The following ZNF813 variants were observed in gnomAD, a reference collection of about 807,000 sequenced individuals.
ZNF813 encodes zinc finger protein 813.
ZNF813 carries 3 observed loss-of-function variants against 7.2 expected under a neutral mutation model. That is an observed-to-expected ratio of 0.42 (90% CI 0.19 to 1.08). The LOEUF (loss-of-function observed/expected upper bound fraction) is 1.08, where lower values mean the gene tolerates loss of function less well. Among genes scored for constraint, ZNF813 ranks in the 50% least tolerant of loss-of-function variants. The pLI is 0.30. For synonymous variants in ZNF813, 227 were observed against 256.3 expected (o/e 0.89, Z 1.09); for missense variants, 714 against 753.3 (o/e 0.95, Z 0.61).
chr19:53,481,825 A>C (rs1489677204), intron 1 of ZNF813, among the ~76,000 whole-genome samples: 1 of 152,230 alleles, frequency 6.6e-6, no homozygotes, highest in Admixed American at 6.5e-5. Context: ...AGAACCTTGC[A>C]AATGAAGTTT....
At chr19:53,477,486 A>G (rs1393597756) in intron 1 of ZNF813, among the ~76,000 whole-genome samples, 1 of 151,918 alleles carries the variant, frequency 6.6e-6, no homozygotes, top group African/African-American at 2.4e-5. Context: ...CTGGAATAAT[A>G]ATTTTTCTTC....
At chr19:53,485,571 CATGTATGTCATGACAT>C (rs903055651) in intron 2 of ZNF813, among the ~76,000 whole-genome samples, 39 of 128,720 alleles carry the variant, frequency 3.0e-4, no homozygotes, top group East Asian at 7.0e-4. Context: ...GACATATATA[CATGTATGTCATGACAT>C]ATGTATGTCA....
At chr19:53,488,226 T>C (rs1248282923) in intron 3 of ZNF813, 2 of 455,614 alleles carry the variant, frequency 4.4e-6, no homozygotes, top group East Asian at 7.0e-5. Context: ...TTTCTCCTTT[T>C]TTGTCTGGCC....
At chr19:53,469,745 AG>A (rs1222575915) in intron 1 of ZNF813, among the ~76,000 whole-genome samples, 3 of 142,074 alleles carry the variant, frequency 2.1e-5, no homozygotes, top group African/African-American at 7.7e-5. Flanking sequence ...GCAAGAACAG[AG>A]GGAGAAGCAC....
At chr19:53,479,348 C>T in intron 1 of ZNF813, 3 of 1,590,370 alleles carry the variant, frequency 1.9e-6, no homozygotes, top group South Asian at 1.1e-5. Flanking sequence ...TGGGTGGGCA[C>T]CATGGCTGGG....
At chr19:53,488,405 C>T in intron 3 of ZNF813, 11 of 257,804 alleles carry the variant, frequency 4.3e-5, no homozygotes, top group Middle Eastern at 1.6e-3. Flanking sequence ...CTTTCATTTC[C>T]TTTTTTTTCT....
chr19:53,479,891 G>A, intron 1 of ZNF813: 11 of 931,070 alleles, frequency 1.2e-5, no homozygotes, highest in South Asian at 2.6e-5. Flanking sequence ...TCAAAAAGAA[G>A]ACAAATGTGA....
intron 1 of ZNF813, among the ~76,000 whole-genome samples, chr19:53,476,212 T>C (rs2086380961): frequency 6.6e-6 from 1 of 152,188 alleles, no homozygotes; most frequent in Non-Finnish European, 1.5e-5. Context: ...AGATCCTGGG[T>C]TCCCCGATAA....
intron 2 of ZNF813, among the ~76,000 whole-genome samples, chr19:53,485,089 A>G (rs958379902): frequency 2.0e-5 from 3 of 152,150 alleles, no homozygotes; most frequent in Non-Finnish European, 4.4e-5. Flanking sequence ...GTATTTCTGC[A>G]TCACTATGAG....
chr19:53,480,663 A>G (rs939240212), intron 1 of ZNF813, among the ~76,000 whole-genome samples: 8 of 152,188 alleles, frequency 5.3e-5, no homozygotes, highest in Admixed American at 1.3e-4. Context: ...CTTTTACCTT[A>G]ACATCAAAAT....
intron 3 of ZNF813, among the ~76,000 whole-genome samples, 171 bp from the exon 4 acceptor site, chr19:53,490,204 A>T (rs2617668): frequency 0.016 from 2,480 of 152,208 alleles, 67 homozygotes; most frequent in African/African-American, 0.056. Flanking sequence ...GATTTGAAGC[A>T]CATGTAATAG....
chr19:53,484,187 G>A (rs1485034535), intron 2 of ZNF813, among the ~76,000 whole-genome samples: 1 of 152,150 alleles, frequency 6.6e-6, no homozygotes, highest in East Asian at 1.9e-4. Context: ...GATTAGAGCA[G>A]CTGCCAATGG....
rs2086485910 is a variant in ZNF813, at chr19:53,496,009, A to T, written c.*3923A>T. On this transcript the variant is annotated 3_prime_UTR_variant, in exon 4 of 4. Coordinates refer to ENST00000396403, the MANE Select transcript of ZNF813 (RefSeq NM_001004301.4). ...ATCAGGTACGACTCCAAAAGGAGAC[A>T]TTGGAGAAGAACGAAGCGGGGTCTA... The T allele has an allele frequency of 8.3e-6, 3 of 362,488 alleles. No individual in the cohort carries two copies. Among genetic ancestry groups the T allele is most frequent in the South Asian group, 7.7e-5 (3 of 38,924 alleles). The allele number at this position is 362,488 out of a possible 1,614,324, so 22.5% of individuals were successfully genotyped here.
Position 53,468,219 on chromosome 19 carries a change from G to GCCCCCCCCCCCCCC in ZNF813, c.-74+443_-74+444insCCCCCCCCCCCCCC, listed in dbSNP as rs34920971. ...CACCCTTGTCTTAAGGCGCCCTCGC[G>GCCCCCCCCCCCCCC]CCCCCCCCCCCCCACCTCCCTCCTC... is the stretch of plus-strand genomic sequence containing the variant. On this transcript the variant is annotated intron_variant, in intron 1 of 3. Transcript: ENST00000396403. Among the ~76,000 whole-genome samples, 27 of 52,960 alleles carry GCCCCCCCCCCCCCC rather than the reference G, an allele frequency of 5.1e-4. 3 individuals carry two copies. Among genetic ancestry groups the GCCCCCCCCCCCCCC allele is most frequent in the Non-Finnish European group, 7.8e-4 (20 of 25,796 alleles). The allele number at this position is 52,960 out of a possible 152,430, so 34.7% of individuals were successfully genotyped here.
At chr19:53,489,067 C>T (rs1324455107) in intron 3 of ZNF813, among the ~76,000 whole-genome samples, 2 of 151,910 alleles carry the variant, frequency 1.3e-5, no homozygotes, top group East Asian at 2.0e-4. Flanking sequence ...AGTGCAATGG[C>T]GTGATCTTGG....
intron 1 of ZNF813, among the ~76,000 whole-genome samples, chr19:53,471,829 G>T (rs2086360870): frequency 8.7e-6 from 1 of 114,460 alleles, no homozygotes; most frequent in Non-Finnish European, 1.8e-5. Flanking sequence ...AAAAAAAAGT[G>T]CTAGGTGCAT....
intron 2 of ZNF813, among the ~76,000 whole-genome samples, chr19:53,485,878 G>GT (rs1321660884): frequency 4.6e-5 from 7 of 151,830 alleles, no homozygotes; most frequent in South Asian, 4.2e-4. Context: ...TTTTTATGTG[G>GT]TTTTTTTGTT....
chr19:53,478,195 C>G (rs1300969976), intron 1 of ZNF813, among the ~76,000 whole-genome samples: 6 of 152,028 alleles, frequency 3.9e-5, no homozygotes, highest in Non-Finnish European at 8.8e-5. Context: ...TATTTTGGGA[C>G]AGGGCCTGGC....
chr19:53,485,021 A>G (rs750292768), intron 2 of ZNF813, among the ~76,000 whole-genome samples: 1 of 152,120 alleles, frequency 6.6e-6, no homozygotes. Context: ...TTCCAGCCTC[A>G]CTGGGGAGCC....
Sources: gnomAD v4.1 joint callset for allele counts (sites outside exome capture counted in the v4.1 genomes callset) on GRCh38, gnomAD v4.1.1 for gene constraint, MANE v1.5 for transcripts, NCBI Gene and HGNC (gene_info 2026-07-23, HGNC 2026-07-21) for gene names.